PWWP2A: variants seen among roughly 807,000 people sequenced by gnomAD.
PWWP2A encodes PWWP domain containing 2A.
In PWWP2A, 18 loss-of-function variants were observed where a neutral mutation model predicts 48.5. The observed-to-expected ratio is 0.37, with a 90% CI of 0.26 to 0.55. The LOEUF (loss-of-function observed/expected upper bound fraction) is 0.55, where lower values mean the gene tolerates loss of function less well. Ranked by LOEUF, PWWP2A falls within the 20% of genes least tolerant of loss-of-function variation. The pLI is 0.81. For synonymous variants in PWWP2A, 396 were observed against 387.7 expected, an observed-to-expected ratio of 1.02 and a Z score of -0.25; for missense variants, 867 against 976.4, an observed-to-expected ratio of 0.89 and a Z score of 1.49.
chr5:160,082,404 A>C (rs1433127117), intron 2 of PWWP2A, among the ~76,000 whole-genome samples: 3 of 151,374 alleles, frequency 2.0e-5, no homozygotes, highest in Admixed American at 6.6e-5. Flanking sequence ...AGATCGCGCC[A>C]CTGCACTCCA....
At chr5:160,096,658 C>T (rs889417581) in intron 1 of PWWP2A, among the ~76,000 whole-genome samples, 4 of 152,268 alleles carry the variant, frequency 2.6e-5, no homozygotes, top group African/African-American at 9.6e-5. Context: ...GAGACGGTGC[C>T]TCACTCTGTC....
At chr5:160,046,376 A>AT in the PWWP2A span, among the ~76,000 whole-genome samples, 20 of 152,010 alleles carry the variant, frequency 1.3e-4, no homozygotes, top group African/African-American at 4.6e-4. Flanking sequence ...AACTCTATTC[A>AT]TTTTTTCCCT....
chr5:160,066,315 T>TTTTTTTTTTTTTTTGG (rs1753607904), intron 4 of PWWP2A, among the ~76,000 whole-genome samples: 2 of 147,990 alleles, frequency 1.4e-5, no homozygotes, highest in Non-Finnish European at 1.5e-5. Flanking sequence ...TTTTTTTTTT[T>TTTTTTTTTTTTTTTGG]GAGGGGGGTC....
At chr5:160,101,249 C>G (rs996899275) in intron 1 of PWWP2A, among the ~76,000 whole-genome samples, 1 of 152,066 alleles carries the variant, frequency 6.6e-6, no homozygotes, top group Non-Finnish European at 1.5e-5. Flanking sequence ...ACTGGGGAAG[C>G]TGAGGCACAA....
In PWWP2A at chr5:160,091,895, C is replaced by G. The variant is rs902417810; in HGVS notation, c.*487G>C. Reference sequence around the variant, plus strand: ...CATTAAATATCCACTATTCCCCCAGCTCACCAAGCCCTTATTGCAATCCCA... The same window carrying G: ...CATTAAATATCCACTATTCCCCCAGGTCACCAAGCCCTTATTGCAATCCCA... On this transcript the variant is annotated 3_prime_UTR_variant, in exon 2 of 2. Coordinates refer to ENST00000307063, the MANE Select transcript of PWWP2A (RefSeq NM_001130864.2). The G allele has an allele frequency of 5.1e-6, 5 of 984,566 alleles. No homozygotes were observed. The African/African-American group carries it at 8.8e-5, about 17-fold the overall frequency. 61.0% of individuals were successfully genotyped at this position (984,566 alleles called of 1,614,324 possible).
At chr5:160,058,409 CTTT>C (rs1171929571), downstream of PWWP2A, among the ~76,000 whole-genome samples, 666 of 129,782 alleles carry the variant, frequency 5.1e-3, 5 homozygotes, top group African/African-American at 0.018. Context: ...AAGTGTATTT[CTTT>C]TTTTTTTTTT....
At chr5:160,103,327 C>G (rs988744919) in intron 1 of PWWP2A, among the ~76,000 whole-genome samples, 1 of 152,174 alleles carries the variant, frequency 6.6e-6, no homozygotes, top group Non-Finnish European at 1.5e-5. Context: ...ATCTATCCAA[C>G]TTAAGTGGTA....
At chr5:160,058,465 C>T (rs912807129), downstream of PWWP2A, among the ~76,000 whole-genome samples, 1 of 145,076 alleles carries the variant, frequency 6.9e-6, no homozygotes, top group African/African-American at 2.6e-5. Context: ...GGCTGGAGTG[C>T]AGTGGTGCGA....
At chr5:160,116,585 A>AT (rs1758168614) in intron 1 of PWWP2A, 1 of 761,192 alleles carries the variant, frequency 1.3e-6, no homozygotes, top group Non-Finnish European at 1.6e-6. Context: ...CACTGATAGC[A>AT]TGAGACCAAA....
At chr5:160,076,675 A>G (rs1276672860) in exon 4 of PWWP2A, 1 of 152,204 alleles carries the variant, frequency 6.6e-6, no homozygotes, top group Non-Finnish European at 1.5e-5. Flanking sequence ...AAAACAAATC[A>G]TAGGTATATT....
In PWWP2A at chr5:160,093,878, A is replaced by G. The variant is rs1755339753; in HGVS notation, c.772T>C (p.Trp258Arg). The G allele has an allele frequency of 1.2e-5, 20 of 1,614,074 alleles. No homozygotes were observed. The highest frequency in any genetic ancestry group is 1.7e-5 in the Non-Finnish European group (20 of 1,179,906). The change falls in exon 2 of 2, where the codon TGG becomes CGG. Residue 258 changes from tryptophan (W) to arginine (R), a missense_variant. Physicochemically the swap from Trp to Arg is moderately radical, Grantham distance 101. Coordinates refer to ENST00000307063, the MANE Select transcript of PWWP2A (RefSeq NM_001130864.2). This position sits in a 1 kb window ranked among gnomAD's most constrained non-coding sequence, Gnocchi z 5.8. ...HPELSLAESL[W>R]TSKPPPLFHE... is the part of the protein sequence containing the mutation. Reference sequence around the variant, plus strand: ...AAGAGAGGTGGTGGTTTGGAAGTCCACAGGCTTTCAGCCAAGCTCAGCTCG... The same window carrying G: ...AAGAGAGGTGGTGGTTTGGAAGTCCGCAGGCTTTCAGCCAAGCTCAGCTCG...
At chr5:160,090,789 C>T, downstream of PWWP2A, 1 of 974,502 alleles carries the variant, frequency 1.0e-6, no homozygotes, top group Non-Finnish European at 1.2e-6. Flanking sequence ...ATTAGATATC[C>T]AAAAGTTAAG....
chr5:160,108,092 G>A (rs1225985236), intron 1 of PWWP2A, among the ~76,000 whole-genome samples: 1 of 151,878 alleles, frequency 6.6e-6, no homozygotes, highest in African/African-American at 2.4e-5. Context: ...ATATTTTTAA[G>A]TTTTATTTTT....
chr5:160,074,763 AAAC>A (rs906630810), downstream of PWWP2A, among the ~76,000 whole-genome samples: 3 of 151,692 alleles, frequency 2.0e-5, no homozygotes, highest in African/African-American at 4.8e-5. Context: ...ACAAAAAAAA[AAAC>A]AAAAAAAACC....
chr5:160,090,159 T>C (rs1219518598), downstream of PWWP2A: 1 of 985,072 alleles, frequency 1.0e-6, no homozygotes, highest in Non-Finnish European at 1.2e-6. Context: ...ATTTTTATAT[T>C]CAACAATCAT....
intron 2 of PWWP2A, among the ~76,000 whole-genome samples, chr5:160,069,921 A>G (rs1753702750): frequency 6.6e-6 from 1 of 152,182 alleles, no homozygotes; most frequent in South Asian, 2.1e-4. Context: ...CCTCCAGGCC[A>G]CATTTCCATC....
chr5:160,049,766 C>G, the PWWP2A span: 1 of 1,074,850 alleles, frequency 9.3e-7, no homozygotes, highest in South Asian at 2.2e-5. Context: ...CATTTCTGTG[C>G]TTTTGAGGAG....
chr5:160,073,756 T>C (rs888312038), downstream of PWWP2A, among the ~76,000 whole-genome samples: 2 of 152,136 alleles, frequency 1.3e-5, no homozygotes, highest in Non-Finnish European at 2.9e-5. Flanking sequence ...AGCAAAGGAA[T>C]TGTTAAGGCC....
At chr5:160,116,702 C>A in intron 1 of PWWP2A, 1 of 984,702 alleles carries the variant, frequency 1.0e-6, no homozygotes, top group Non-Finnish European at 1.2e-6. Context: ...CTGCACCTTC[C>A]TTTTGCAGAT....
Sources: gnomAD v4.1 joint callset for allele counts (sites outside exome capture counted in the v4.1 genomes callset) on GRCh38, gnomAD v4.1.1 for gene constraint, Gnocchi (gnomAD v3.1) non-coding constraint, MANE v1.5 for transcripts, NCBI Gene and HGNC (gene_info 2026-07-23, HGNC 2026-07-21) for gene names.